The following PFKFB2 variants were observed in gnomAD, a reference collection of about 807,000 sequenced individuals.
The protein encoded by PFKFB2 is 6-phosphofructo-2-kinase/fructose-2,6-bisphosphatase 2.
A neutral mutation model predicts 68.0 loss-of-function variants in PFKFB2; 53 were observed. The observed-to-expected ratio is 0.78, with a 90% confidence interval of 0.63 to 0.98. The LOEUF (loss-of-function observed/expected upper bound fraction) is 0.98, where lower values mean the gene tolerates loss of function less well. Among genes scored for constraint, PFKFB2 ranks in the 50% least tolerant of loss-of-function variants. The pLI, the probability that PFKFB2 is intolerant of heterozygous loss-of-function variation, is 0.00. For missense variants in PFKFB2, 451 were observed against 642.0 expected (o/e 0.70, Z 3.22); for synonymous variants, 222 against 227.6 (o/e 0.98, Z 0.22).
rs971800900 is a variant in PFKFB2, at chr1:207,067,719, T to G, written c.840+13T>G. The G allele has an allele frequency of 4.4e-6, 7 of 1,596,254 alleles. No homozygotes were observed. The highest frequency in any genetic ancestry group is 1.7e-5 in the Admixed American group (1 of 59,276). ...GCGGGGAAAGCAGGTGAGTAATTAT[T>G]CAGCACACTGGATTTTCTAGGCTTA... is the stretch of plus-strand genomic sequence containing the variant. On this transcript the variant is annotated intron_variant, in intron 9 of 14. Coordinates refer to ENST00000367080, the MANE Select transcript of PFKFB2 (RefSeq NM_006212.2).
intron 2 of PFKFB2, among the ~76,000 whole-genome samples, chr1:207,059,445 C>T (rs907870272): frequency 6.6e-6 from 1 of 152,124 alleles, no homozygotes; most frequent in African/African-American, 2.4e-5. Context: ...AAACCTGAGA[C>T]AGCTGATCCC....
In PFKFB2 at chr1:207,065,697, A is replaced by G. The variant is rs1016450098; in HGVS notation, c.632+537A>G. On this transcript the variant is annotated intron_variant, in intron 8 of 14. Coordinates refer to ENST00000367080, the MANE Select transcript of PFKFB2 (RefSeq NM_006212.2). ...ATTTTTTCTCTCCAGTCTCTAGAGC[A>G]TGATTTCCTCAATCTCAGTATTATT... is the stretch of plus-strand genomic sequence containing the variant. 5.9e-5 allele frequency among the ~76,000 whole-genome samples: 9 copies of G among 152,276 alleles called. No individual in the cohort carries two copies. In the East Asian group the frequency reaches 1.7e-3, roughly 29 times the overall value.
chr1:207,078,588 C>T (rs1275682401), downstream of PFKFB2, among the ~76,000 whole-genome samples: 1 of 152,196 alleles, frequency 6.6e-6, no homozygotes, highest in Non-Finnish European at 1.5e-5. Context: ...TAGCCCCTGA[C>T]TACAGTGTCA....
upstream of PFKFB2, chr1:207,048,895 TTTAAG>T: frequency 1.1e-6 from 1 of 896,514 alleles, no homozygotes; most frequent in Non-Finnish European, 1.7e-6. Flanking sequence ...TCTTAGTGGT[TTTAAG>T]TTAAAAGGAT....
intron 2 of PFKFB2, among the ~76,000 whole-genome samples, chr1:207,043,387 A>ATAGTT (rs934171294): frequency 5.9e-5 from 9 of 152,320 alleles, no homozygotes; most frequent in African/African-American, 1.9e-4. Flanking sequence ...AATGGGTTAA[A>ATAGTT]TAGTTTAGTT....
At position 207,070,137 on chromosome 1, in the gene PFKFB2, C is replaced by T. The variant is rs1683423285; in HGVS notation, c.1093-143C>T. 7 of 828,400 alleles carry T rather than the reference C, an allele frequency of 8.5e-6. No individual in the cohort carries two copies. Among genetic ancestry groups the T allele is most frequent in the Admixed American group, 2.7e-5 (1 of 36,628 alleles). The allele number at this position is 828,400 out of a possible 1,614,324, so 51.3% of individuals were successfully genotyped here. Reference sequence around the variant, plus strand: ...AGATACCAGGGCTGGGGGCAGTTAGCAGGTGATGTAAACTCACTGAGCCTC... The same window carrying T: ...AGATACCAGGGCTGGGGGCAGTTAGTAGGTGATGTAAACTCACTGAGCCTC... On this transcript the variant is annotated intron_variant, in intron 11 of 14. Transcript: ENST00000367080. This position sits in a 1 kb window ranked among gnomAD's most constrained non-coding sequence, Gnocchi z 4.2.
intron 2 of PFKFB2, among the ~76,000 whole-genome samples, chr1:207,058,521 T>C (rs1343109746): frequency 6.6e-6 from 1 of 152,254 alleles, no homozygotes; most frequent in African/African-American, 2.4e-5. Context: ...TGTGGGACCA[T>C]GGGCAAAGCT....
chr1:207,060,702 C>G (rs1007491779), intron 2 of PFKFB2: 4 of 152,144 alleles, frequency 2.6e-5, no homozygotes, highest in Admixed American at 1.3e-4. Context: ...CAGTTCTGCA[C>G]TGGTAGAATC....
Position 207,073,909 on chromosome 1 carries a change from C to G in PFKFB2, c.*1538C>G, listed in dbSNP as rs939403833. On this transcript the variant is annotated 3_prime_UTR_variant, in exon 15 of 15. Transcript: ENST00000367080. ...AGGTGACTCCCCACCTTAAAGTTAT[C>G]TGCTGGTCTTTTAGAGGTAACCAGT... 1 of 985,182 alleles carries G rather than the reference C, an allele frequency of 1.0e-6. No homozygotes were observed. Among genetic ancestry groups the G allele is most frequent in the African/African-American group, 1.7e-5 (1 of 57,248 alleles). 61.0% of individuals were successfully genotyped at this position (985,182 alleles called of 1,614,324 possible). A position where few individuals can be genotyped will look rare whatever the true frequency, so the allele number is the denominator to read the frequency against.
At chr1:207,043,452 T>C (rs1262870906) in intron 2 of PFKFB2, among the ~76,000 whole-genome samples, 3 of 152,226 alleles carry the variant, frequency 2.0e-5, no homozygotes, top group Non-Finnish European at 4.4e-5. Context: ...TTGCTTCAAA[T>C]ACATGTTTAA....
At chr1:207,036,103 G>A (rs1001816748) in intron 1 of PFKFB2, among the ~76,000 whole-genome samples, 4 of 152,068 alleles carry the variant, frequency 2.6e-5, no homozygotes, top group Admixed American at 2.6e-4. Context: ...ACATTCATGA[G>A]GGATCTGCCC....
chr1:207,065,350 G>A, intron 8 of PFKFB2, 190 bp downstream of exon 8: 1 of 977,378 alleles, frequency 1.0e-6, no homozygotes, highest in Non-Finnish European at 1.2e-6. Flanking sequence ...AATTGAAGTG[G>A]TTGGTTTTGT....
chr1:207,080,067 G>T, downstream of PFKFB2: 1 of 152,296 alleles, frequency 6.6e-6, no homozygotes, highest in Non-Finnish European at 1.5e-5. Flanking sequence ...CAGCGCCTCA[G>T]TGCATTAGTC....
chr1:207,037,456 C>T (rs1307650833), intron 1 of PFKFB2, among the ~76,000 whole-genome samples: 1 of 152,192 alleles, frequency 6.6e-6, no homozygotes, highest in Non-Finnish European at 1.5e-5. Context: ...TTCTCTCTTC[C>T]ATCCACACAG....
rs747119669 is a variant in PFKFB2, at chr1:207,074,943, TG to T, written c.*2576del. On this transcript the variant is annotated 3_prime_UTR_variant, in exon 15 of 15. Coordinates refer to ENST00000367080, the MANE Select transcript of PFKFB2 (RefSeq NM_006212.2). ...CACCAGTGTGAGAATGAGATATGGT[TG>T]GGGAGGCGTGTTTGGCACTTTTACA... 299 of 985,422 alleles carry T rather than the reference TG, an allele frequency of 3.0e-4. No individual in the cohort carries two copies. The highest frequency in any genetic ancestry group is 1.7e-3 in the East Asian group (15 of 8,814). The allele number at this position is 985,422 out of a possible 1,614,324, so 61.0% of individuals were successfully genotyped here. A position where few individuals can be genotyped will look rare whatever the true frequency, so the allele number is the denominator to read the frequency against.
At chr1:207,043,009 G>A (rs1404971508) in intron 2 of PFKFB2, among the ~76,000 whole-genome samples, 2 of 151,990 alleles carry the variant, frequency 1.3e-5, no homozygotes, top group East Asian at 1.9e-4. Context: ...TGATAGCCAC[G>A]ATTCCCAAAC....
intron 1 of PFKFB2, among the ~76,000 whole-genome samples, chr1:207,038,957 T>G (rs1220981256): frequency 6.6e-6 from 1 of 152,228 alleles, no homozygotes; most frequent in East Asian, 1.9e-4. Flanking sequence ...TTTGACACCA[T>G]ATTTTGCAAT....
intron 2 of PFKFB2, 28 bp from the exon 3 acceptor site, chr1:207,061,925 C>G (rs776857635): frequency 5.2e-5 from 83 of 1,596,584 alleles, no homozygotes; most frequent in Non-Finnish European, 6.7e-5. Context: ...CTAGTCATTT[C>G]GTTTTATTTT....
At chr1:207,054,995 T>C (rs531226246) in intron 2 of PFKFB2, 193 bp downstream of exon 2, 9 of 537,074 alleles carry the variant, frequency 1.7e-5, no homozygotes, top group Middle Eastern at 3.5e-4. Context: ...TCTTGGGGCT[T>C]GACTACTGGT....
Sources: allele counts gnomAD v4.1 joint callset (sites outside exome capture counted in the v4.1 genomes callset), GRCh38; gene constraint gnomAD v4.1.1; non-coding constraint Gnocchi (gnomAD v3.1); transcripts MANE v1.5; gene names NCBI Gene and HGNC (gene_info 2026-07-23, HGNC 2026-07-21).